SKAP2: variants seen among roughly 807,000 people sequenced by gnomAD.
SKAP2 encodes src kinase associated phosphoprotein 2, also known as src kinase-associated phosphoprotein 2.
In SKAP2, 28 loss-of-function variants were observed where a neutral mutation model predicts 54.9. That is an observed-to-expected ratio of 0.51 (90% confidence interval 0.38 to 0.70). The LOEUF is 0.70. SKAP2 is among the 30% of genes least tolerant of loss of function. SKAP2 has a pLI of 0.00. For synonymous variants in SKAP2, 137 were observed against 134.3 expected, an observed-to-expected ratio of 1.02 and a Z score of -0.14; for missense variants, 356 against 424.1, an observed-to-expected ratio of 0.84 and a Z score of 1.41.
At chr7:26,691,479 A>G (rs1786779364) in intron 9 of SKAP2, among the ~76,000 whole-genome samples, 1 of 152,258 alleles carries the variant, frequency 6.6e-6, no homozygotes, top group African/African-American at 2.4e-5. Flanking sequence ...ATATAAATGT[A>G]GTCATTGTAA....
intron 4 of SKAP2, among the ~76,000 whole-genome samples, chr7:26,747,766 C>T (rs1782587885): frequency 6.6e-6 from 1 of 151,720 alleles, no homozygotes; most frequent in Non-Finnish European, 1.5e-5. Context: ...CTTCTTCTCA[C>T]CTTCCTTTTC....
At chr7:26,854,239 C>A in intron 2 of SKAP2, 77 bp from the exon 3 acceptor site, 3 of 905,790 alleles carry the variant, frequency 3.3e-6, no homozygotes, top group Non-Finnish European at 5.0e-6. Context: ...TAATTAAAAT[C>A]CAAAATCTAT....
intron 4 of SKAP2, among the ~76,000 whole-genome samples, chr7:26,767,711 G>A (rs1411520680): frequency 3.9e-5 from 6 of 152,004 alleles, no homozygotes; most frequent in South Asian, 4.2e-4. Flanking sequence ...CCTTAATTTC[G>A]TTATTTACCC....
intron 4 of SKAP2, among the ~76,000 whole-genome samples, chr7:26,837,739 A>T (rs1208938888): frequency 6.6e-6 from 1 of 152,172 alleles, no homozygotes; most frequent in African/African-American, 2.4e-5. Context: ...GATGATGCTG[A>T]TACTGTTGGT....
chr7:26,686,422 C>G (rs1418592178), intron 10 of SKAP2, among the ~76,000 whole-genome samples: 2 of 152,056 alleles, frequency 1.3e-5, no homozygotes, highest in African/African-American at 4.8e-5. Context: ...TCTGAGCACT[C>G]ATCACGTACC....
At chr7:26,776,686 TCAA>T (rs1783317519) in intron 4 of SKAP2, among the ~76,000 whole-genome samples, 1 of 152,178 alleles carries the variant, frequency 6.6e-6, no homozygotes, top group Non-Finnish European at 1.5e-5. Context: ...TTCTTTTGGA[TCAA>T]CAACAACAGC....
intron 4 of SKAP2, among the ~76,000 whole-genome samples, chr7:26,785,486 G>A (rs190256912): frequency 1.7e-3 from 252 of 152,134 alleles, no homozygotes; most frequent in African/African-American, 5.4e-3. Flanking sequence ...GCGCCCGGCC[G>A]AGGAAACAAA....
intron 9 of SKAP2, among the ~76,000 whole-genome samples, chr7:26,705,110 G>T (rs1328294886): frequency 6.6e-6 from 1 of 152,268 alleles, no homozygotes; most frequent in South Asian, 2.1e-4. Context: ...TAGGGTCTAG[G>T]CAGTGCCAGA....
the SKAP2 span, among the ~76,000 whole-genome samples, chr7:26,657,740 C>A: frequency 1.4e-5 from 2 of 140,776 alleles, no homozygotes; most frequent in Non-Finnish European, 3.1e-5. Context: ...TCCCCGCCCC[C>A]CCCGCCCCAA....
chr7:26,839,801 A>G (rs1784784094), intron 4 of SKAP2, among the ~76,000 whole-genome samples: 1 of 152,098 alleles, frequency 6.6e-6, no homozygotes, highest in Non-Finnish European at 1.5e-5. Context: ...AAAATTTGGT[A>G]CATTAAATTT....
At chr7:26,684,884 T>A (rs1786596675) in intron 10 of SKAP2, 36 bp from the exon 11 acceptor site, 1 of 1,193,038 alleles carries the variant, frequency 8.4e-7, no homozygotes, top group African/African-American at 1.5e-5. Flanking sequence ...AATTAGGGCC[T>A]TCATGTAATA....
intron 3 of SKAP2, among the ~76,000 whole-genome samples, chr7:26,844,793 C>G (rs1195753852): frequency 6.6e-6 from 1 of 151,988 alleles, no homozygotes. Flanking sequence ...AAACTAGACA[C>G]TTTCAGTTTC....
chr7:26,704,290 C>T (rs1787110578), intron 9 of SKAP2, among the ~76,000 whole-genome samples: 1 of 152,180 alleles, frequency 6.6e-6, no homozygotes. Flanking sequence ...TCTCCCATCA[C>T]CTCCCTCCCA....
At chr7:26,705,335 T>C (rs1298751177) in intron 9 of SKAP2, among the ~76,000 whole-genome samples, 1 of 152,212 alleles carries the variant, frequency 6.6e-6, no homozygotes, top group Non-Finnish European at 1.5e-5. Context: ...CAATCAAACA[T>C]GTAAATTTAA....
At chr7:26,709,070 CAA>C (rs1162133272) in intron 9 of SKAP2, among the ~76,000 whole-genome samples, 1 of 152,052 alleles carries the variant, frequency 6.6e-6, no homozygotes, top group Non-Finnish European at 1.5e-5. Context: ...CTCAAATTCA[CAA>C]AGTGTCTAGA....
At chr7:26,855,278 T>C (rs1785137345) in intron 1 of SKAP2, 1 of 155,728 alleles carries the variant, frequency 6.4e-6, no homozygotes, top group African/African-American at 2.4e-5. Context: ...TTTTGTAAGT[T>C]CCTGTGTGAA....
chr7:26,678,050 A>T (rs1441800799), intron 11 of SKAP2, among the ~76,000 whole-genome samples: 1 of 152,228 alleles, frequency 6.6e-6, no homozygotes, highest in Non-Finnish European at 1.5e-5. Flanking sequence ...TGATACCTGG[A>T]GAAGGCACTT....
At chr7:26,673,084 T>C (rs964278382) in intron 11 of SKAP2, among the ~76,000 whole-genome samples, 2 of 151,972 alleles carry the variant, frequency 1.3e-5, no homozygotes, top group African/African-American at 4.8e-5. Context: ...GTGGATCATT[T>C]AAAAAACAAA....
intron 4 of SKAP2, among the ~76,000 whole-genome samples, chr7:26,779,049 T>C (rs1783371473): frequency 6.6e-6 from 1 of 152,000 alleles, no homozygotes; most frequent in Non-Finnish European, 1.5e-5. Context: ...TAAGTTTGAA[T>C]GAGTGACAAG....
Sources: gnomAD v4.1 joint callset for allele counts (sites outside exome capture counted in the v4.1 genomes callset) on GRCh38, gnomAD v4.1.1 for gene constraint, MANE v1.5 for transcripts, NCBI Gene and HGNC (gene_info 2026-07-23, HGNC 2026-07-21) for gene names.